MFHAS1: variants seen among roughly 807,000 people sequenced by gnomAD.
MFHAS1 encodes multifunctional ROCO family signaling regulator 1.
Under a neutral mutation model 70.4 loss-of-function variants are expected in MFHAS1, and 50 were observed. The observed-to-expected ratio is 0.71, with a 90% confidence interval of 0.57 to 0.90. The LOEUF (loss-of-function observed/expected upper bound fraction) is 0.90, where lower values mean the gene tolerates loss of function less well. Among genes scored for constraint, MFHAS1 ranks in the 40% least tolerant of loss-of-function variants. The pLI is 0.00. For synonymous variants in MFHAS1, 952 were observed against 620.0 expected (o/e 1.54, Z -7.96); for missense variants, 1,795 against 1,347.6 (o/e 1.33, Z -5.20).
At chr8:8,824,586 G>A (rs527733870) in intron 1 of MFHAS1, among the ~76,000 whole-genome samples, 1 of 150,158 alleles carries the variant, frequency 6.7e-6, no homozygotes, top group South Asian at 2.1e-4. Context: ...TGCTCCATCA[G>A]AAGAAGAAAA....
At chr8:8,822,379 G>C (rs1806989051) in intron 1 of MFHAS1, among the ~76,000 whole-genome samples, 1 of 152,196 alleles carries the variant, frequency 6.6e-6, no homozygotes, top group Admixed American at 6.5e-5. Flanking sequence ...GCCTGATGCA[G>C]AGGGACAGAG....
chr8:8,867,713 A>G (rs1808915688), intron 1 of MFHAS1, among the ~76,000 whole-genome samples: 1 of 151,944 alleles, frequency 6.6e-6, no homozygotes, highest in African/African-American at 2.4e-5. Context: ...ACCCGCCACC[A>G]CACCCGGCTA....
intron 1 of MFHAS1, among the ~76,000 whole-genome samples, chr8:8,826,172 A>T (rs545589366): frequency 6.6e-6 from 1 of 152,078 alleles, no homozygotes; most frequent in Non-Finnish European, 1.5e-5. Context: ...CCTGACGGCC[A>T]GTCTATTCCA....
intron 1 of MFHAS1, among the ~76,000 whole-genome samples, chr8:8,829,393 G>A (rs1445069727): frequency 6.6e-6 from 1 of 152,186 alleles, no homozygotes; most frequent in African/African-American, 2.4e-5. Flanking sequence ...ATCAGATCGT[G>A]AGATCTGTCC....
chr8:8,849,424 C>G (rs778626680), intron 1 of MFHAS1, among the ~76,000 whole-genome samples: 1 of 152,146 alleles, frequency 6.6e-6, no homozygotes, highest in African/African-American at 2.4e-5. Context: ...GTAATACTTG[C>G]AGCAAGTAAT....
At chr8:8,812,246 T>C (rs546226395) in intron 1 of MFHAS1, among the ~76,000 whole-genome samples, 2 of 152,066 alleles carry the variant, frequency 1.3e-5, no homozygotes, top group Non-Finnish European at 2.9e-5. Flanking sequence ...AGGGCAGAGA[T>C]ACGAAGAATC....
intron 1 of MFHAS1, among the ~76,000 whole-genome samples, chr8:8,809,608 T>C (rs1585027513): frequency 6.6e-6 from 1 of 152,072 alleles, no homozygotes; most frequent in East Asian, 1.9e-4. Context: ...TAAATACAAA[T>C]CCACCCAAGA....
chr8:8,839,266 C>G (rs1200904449), intron 1 of MFHAS1, among the ~76,000 whole-genome samples: 1 of 151,960 alleles, frequency 6.6e-6, no homozygotes, highest in South Asian at 2.1e-4. Flanking sequence ...TTCTTCTCAA[C>G]AGTATGCAAA....
Position 8,890,470 on chromosome 8 carries a change from G to A in MFHAS1, c.2589C>T (p.Ala863=), listed in dbSNP as rs2116949067. The change falls in exon 1 of 3, where the codon GCC becomes GCT. Residue 863 remains alanine, a synonymous_variant. Transcript: ENST00000276282. ...CAGCTAGGTTGGTCCCATTAATCCA[G>A]GCTTCTGCATGGGGCACCTCGTTCT... is the stretch of plus-strand genomic sequence containing the variant. ...YVQNEVPHAE[A]WINGTNLAGQ... is the part of the protein sequence containing the mutation. 6.2e-7 allele frequency: 1 copy of A among 1,613,816 alleles called. No individual in the cohort carries two copies.
At chr8:8,854,320 G>C (rs1808351435) in intron 1 of MFHAS1, among the ~76,000 whole-genome samples, 1 of 152,126 alleles carries the variant, frequency 6.6e-6, no homozygotes, top group Non-Finnish European at 1.5e-5. Context: ...AGGAGATCAA[G>C]ACCATCCTGG....
intron 1 of MFHAS1, among the ~76,000 whole-genome samples, chr8:8,870,367 G>T (rs930142209): frequency 6.6e-6 from 1 of 151,884 alleles, no homozygotes; most frequent in African/African-American, 2.4e-5. Flanking sequence ...TCGGGAGGCT[G>T]CAGTGGAAGG....
chr8:8,824,569 CCCT>C (rs1807087445), intron 1 of MFHAS1, among the ~76,000 whole-genome samples: 2 of 143,480 alleles, frequency 1.4e-5, no homozygotes, highest in African/African-American at 5.2e-5. Context: ...ACACACACAC[CCCT>C]TTCTGCTCCA....
Position 8,819,249 on chromosome 8 carries a change from G to A in MFHAS1, c.2999-21758C>T, listed in dbSNP as rs544973580. ...TTCTCTCCCTACTCATTATATACAT[G>A]CAAATATATATATTATAAACAAATC... is the stretch of plus-strand genomic sequence containing the variant. On this transcript the variant is annotated intron_variant, in intron 1 of 2. Coordinates refer to ENST00000276282, the MANE Select transcript of MFHAS1 (RefSeq NM_004225.3). 7.8e-4 allele frequency among the ~76,000 whole-genome samples: 118 copies of A among 152,186 alleles called. 1 individual carries two copies. The highest frequency in any genetic ancestry group is 2.8e-3 in the African/African-American group (118 of 41,530).
At chr8:8,805,739 C>T (rs181175788) in intron 1 of MFHAS1, among the ~76,000 whole-genome samples, 1 of 151,732 alleles carries the variant, frequency 6.6e-6, no homozygotes, top group Non-Finnish European at 1.5e-5. Flanking sequence ...ACTCTGTTGC[C>T]CAGGCTGGAG....
intron 2 of MFHAS1, among the ~76,000 whole-genome samples, chr8:8,794,091 G>C (rs1224954954): frequency 1.3e-5 from 2 of 152,122 alleles, no homozygotes; most frequent in East Asian, 3.9e-4. Flanking sequence ...TTAGGAGGCT[G>C]AGGCAGAAGA....
At chr8:8,855,229 A>G (rs868099101) in intron 1 of MFHAS1, among the ~76,000 whole-genome samples, 7 of 152,230 alleles carry the variant, frequency 4.6e-5, no homozygotes, top group Non-Finnish European at 8.8e-5. Context: ...CTGGGATCAC[A>G]GGCGTGAGCC....
chr8:8,796,573 A>T, intron 2 of MFHAS1, among the ~76,000 whole-genome samples: 1 of 147,440 alleles, frequency 6.8e-6, no homozygotes. Flanking sequence ...AGTCCCAGCT[A>T]CTCGGGAGGC....
chr8:8,822,406 G>C (rs1585035025), intron 1 of MFHAS1, among the ~76,000 whole-genome samples: 1 of 151,180 alleles, frequency 6.6e-6, no homozygotes, highest in African/African-American at 2.4e-5. Flanking sequence ...GCAGGGGATG[G>C]AGCGGGAGAC....
intron 1 of MFHAS1, among the ~76,000 whole-genome samples, chr8:8,851,617 T>C (rs986437436): frequency 6.6e-6 from 1 of 152,242 alleles, no homozygotes; most frequent in Non-Finnish European, 1.5e-5. Context: ...TTACAGTTCT[T>C]ATCTACTGTT....
Sources: allele counts gnomAD v4.1 joint callset (sites outside exome capture counted in the v4.1 genomes callset), GRCh38; gene constraint gnomAD v4.1.1; transcripts MANE v1.5; gene names NCBI Gene and HGNC (gene_info 2026-07-23, HGNC 2026-07-21).